CELF2: variants seen among roughly 807,000 people sequenced by gnomAD.
The protein encoded by CELF2 is CUGBP Elav-like family member 2, also known as CUG triplet repeat RNA-binding protein 2.
A neutral mutation model predicts 62.6 loss-of-function variants in CELF2; 8 were observed. That is an observed-to-expected ratio of 0.13 (90% CI 0.07 to 0.23). The LOEUF is 0.23. CELF2 is among the 10% of genes least tolerant of loss of function. The pLI is 1.00. For missense variants in CELF2, 333 were observed against 671.0 expected, an observed-to-expected ratio of 0.50 and a Z score of 5.56; for synonymous variants, 258 against 250.0, an observed-to-expected ratio of 1.03 and a Z score of -0.30.
intron 2 of CELF2, among the ~76,000 whole-genome samples, chr10:10,992,947 A>G (rs1457801958): frequency 1.3e-5 from 2 of 152,170 alleles, no homozygotes; most frequent in Non-Finnish European, 2.9e-5. Flanking sequence ...CCACAACCAC[A>G]GCTTGAACTA....
At chr10:10,769,239 G>A in the CELF2 span, among the ~76,000 whole-genome samples, 3 of 152,110 alleles carry the variant, frequency 2.0e-5, no homozygotes, top group African/African-American at 4.8e-5. Flanking sequence ...ATGGAACTGG[G>A]CATTTCTCGC....
At chr10:11,033,614 T>C (rs1346958538) in intron 1 of CELF2, among the ~76,000 whole-genome samples, 5 of 152,226 alleles carry the variant, frequency 3.3e-5, no homozygotes, top group African/African-American at 1.2e-4. Context: ...GCCTGGGCTT[T>C]TGATAGCATG....
chr10:10,898,860 C>T (rs938002863), intron 1 of CELF2, among the ~76,000 whole-genome samples: 4 of 151,592 alleles, frequency 2.6e-5, no homozygotes, highest in Admixed American at 6.6e-5. Flanking sequence ...TACCCTGGGC[C>T]GTAAAATAAG....
At chr10:10,531,322 CTGTAT>C in the CELF2 span, among the ~76,000 whole-genome samples, 1 of 152,184 alleles carries the variant, frequency 6.6e-6, no homozygotes, top group Non-Finnish European at 1.5e-5. Flanking sequence ...TTTGAGAAAT[CTGTAT>C]TGTAACAGCA....
chr10:11,094,046 C>G (rs1300973033), intron 1 of CELF2, among the ~76,000 whole-genome samples: 1 of 152,180 alleles, frequency 6.6e-6, no homozygotes, highest in African/African-American at 2.4e-5. Context: ...CTCGGAGATT[C>G]AATGTCCACA....
rs757923627 is a variant in CELF2 at position 11,328,884 on chromosome 10, G to T, written c.1439-42G>T. The T allele has an allele frequency of 6.3e-7, 1 of 1,584,788 alleles. No individual in the cohort carries two copies. The highest frequency in any genetic ancestry group is 8.6e-7 in the Non-Finnish European group (1 of 1,161,684). ...CAGCCCCCTTTTCTGTTTTCTGCTG[G>T]GCTTCCTCTCCAGGCTGACTCCCTC... On this transcript the variant is annotated intron_variant, in intron 12 of 12. Transcript: ENST00000633077. This position sits in a 1 kb window ranked among gnomAD's most constrained non-coding sequence, Gnocchi z 6.4.
chr10:11,018,135 G>T lies in CELF2; in HGVS notation c.46G>T (p.Glu16Ter). 1 of 1,523,106 alleles carries T rather than the reference G, an allele frequency of 6.6e-7. No homozygotes were observed. The highest frequency in any genetic ancestry group is 1.2e-5 in the South Asian group (1 of 84,442). The allele number at this position is 1,523,106 out of a possible 1,614,324, so 94.3% of individuals were successfully genotyped here. ...KLDFLPDMMV[E>*]GRLLVPDRIN... ...GGATTTCCTCCCGGACATGATGGTC[G>T]AGGGCCGCCTGCTCGTTCCTGACAG... Residue 16 changes from glutamate to a stop codon, truncating the protein, a stop_gained, in exon 1 of 13, where the codon GAG becomes TAG. Transcript: ENST00000633077. LOFTEE classifies it high-confidence loss of function.
At chr10:11,036,242 C>G (rs550935259) in intron 1 of CELF2, among the ~76,000 whole-genome samples, 1 of 152,298 alleles carries the variant, frequency 6.6e-6, no homozygotes, top group Admixed American at 6.5e-5. Flanking sequence ...AAACCTTGTT[C>G]CTAATTTGCA....
Position 11,165,716 on chromosome 10 carries a change from C to T in CELF2, c.271+34C>T, listed in dbSNP as rs1193674808. 6.3e-7 allele frequency: 1 copy of T among 1,577,700 alleles called. No homozygotes were observed. Among genetic ancestry groups the T allele is most frequent in the Non-Finnish European group, 8.6e-7 (1 of 1,161,822 alleles). On this transcript the variant is annotated intron_variant, in intron 2 of 12. Coordinates refer to ENST00000633077, the MANE Select transcript of CELF2 (RefSeq NM_001326342.2). The surrounding 1 kb of genome is among the most constrained non-coding windows in gnomAD (Gnocchi z 7.4). The stretch of plus-strand genomic sequence containing the variant: ...CGCGGGGCGGGGGTCGCCAGGCGTC[C>T]AGGTGGGCGTCGCGGGGCACTGGGG...
upstream of CELF2, among the ~76,000 whole-genome samples, chr10:10,797,869 G>T (rs1358347305): frequency 6.6e-6 from 1 of 152,146 alleles, no homozygotes; most frequent in Non-Finnish European, 1.5e-5. Context: ...GACAAACTAT[G>T]AACAAACAGT....
intron 2 of CELF2, chr10:10,944,300 G>A (rs2047397907): frequency 6.6e-6 from 1 of 152,632 alleles, no homozygotes; most frequent in Non-Finnish European, 1.5e-5. Flanking sequence ...AGATGATTTG[G>A]GAGTTACTGG....
the CELF2 span, among the ~76,000 whole-genome samples, chr10:10,720,362 G>T: frequency 5.3e-5 from 8 of 152,326 alleles, no homozygotes; most frequent in East Asian, 1.5e-3. Flanking sequence ...TTTTGGAGCT[G>T]CCCGGAGATG....
chr10:10,592,996 A>G, the CELF2 span, among the ~76,000 whole-genome samples: 14 of 152,168 alleles, frequency 9.2e-5, no homozygotes, highest in African/African-American at 3.4e-4. Context: ...AATATAAACC[A>G]AGTAGCAAAG....
At chr10:10,555,967 T>C in the CELF2 span, among the ~76,000 whole-genome samples, 2 of 152,338 alleles carry the variant, frequency 1.3e-5, no homozygotes, top group African/African-American at 4.8e-5. Flanking sequence ...ATGTATGTAT[T>C]TTCCTATGTG....
chr10:11,301,390 T>TC (rs1327502422), intron 9 of CELF2, among the ~76,000 whole-genome samples: 3 of 4,508 alleles, frequency 6.7e-4, no homozygotes, highest in African/African-American at 2.6e-3. Flanking sequence ...ACTTCCCCCC[T>TC]CCCCCCGCTT....
At chr10:10,901,186 T>C (rs1037316565) in intron 1 of CELF2, among the ~76,000 whole-genome samples, 1 of 152,216 alleles carries the variant, frequency 6.6e-6, no homozygotes, top group Non-Finnish European at 1.5e-5. Context: ...GTAAAATTCA[T>C]GTGGACACAG....
chr10:10,863,712 C>T (rs558625252), intron 1 of CELF2, among the ~76,000 whole-genome samples: 23 of 152,192 alleles, frequency 1.5e-4, no homozygotes, highest in Admixed American at 1.2e-3. Context: ...GCCAATTAGC[C>T]CTCATAAGTG....
chr10:10,576,090 T>G, the CELF2 span, among the ~76,000 whole-genome samples: 24,197 of 152,194 alleles, frequency 0.16, 2,789 homozygotes, highest in African/African-American at 0.32. Flanking sequence ...TGGCTGCTGC[T>G]TTATCTGGCT....
At chr10:11,278,732 G>T (rs1278306222) in intron 8 of CELF2, among the ~76,000 whole-genome samples, 2 of 152,174 alleles carry the variant, frequency 1.3e-5, no homozygotes, top group South Asian at 2.1e-4. Flanking sequence ...AAGATGAAAA[G>T]GTTCAGTGAG....
Sources: allele counts gnomAD v4.1 joint callset (sites outside exome capture counted in the v4.1 genomes callset), GRCh38; gene constraint gnomAD v4.1.1; non-coding constraint Gnocchi (gnomAD v3.1); transcripts MANE v1.5; gene names NCBI Gene and HGNC (gene_info 2026-07-23, HGNC 2026-07-21).